The following MSL2 variants were observed in gnomAD, a reference collection of about 807,000 sequenced individuals.
MSL2 encodes the protein E3 ubiquitin-protein ligase MSL2.
MSL2 carries 2 observed loss-of-function variants against 35.8 expected under a neutral mutation model. The ratio of observed to expected loss-of-function variants is 0.06; its 90% confidence interval spans 0.02 to 0.18. The LOEUF (loss-of-function observed/expected upper bound fraction) is 0.18, where lower values mean the gene tolerates loss of function less well. Ranked by LOEUF, MSL2 falls within the 10% of genes least tolerant of loss-of-function variation. The pLI, the probability that MSL2 is intolerant of heterozygous loss-of-function variation, is 1.00. For synonymous variants in MSL2, 296 were observed against 255.7 expected, an observed-to-expected ratio of 1.16 and a Z score of -1.50; for missense variants, 523 against 706.7, an observed-to-expected ratio of 0.74 and a Z score of 2.95.
intron 1 of MSL2, among the ~76,000 whole-genome samples, chr3:136,155,363 G>A (rs1385829876): frequency 6.6e-6 from 1 of 152,008 alleles, no homozygotes; most frequent in Non-Finnish European, 1.5e-5. Flanking sequence ...AATTAGCTGG[G>A]CATGGTGGTG....
intron 1 of MSL2, among the ~76,000 whole-genome samples, chr3:136,169,456 G>GT (rs1304773274): frequency 2.0e-5 from 3 of 151,922 alleles, no homozygotes; most frequent in Non-Finnish European, 2.9e-5. Context: ...TTTGTTTTTT[G>GT]TGTTTTTTTT....
At chr3:136,174,822 A>C (rs1174094677) in intron 1 of MSL2, among the ~76,000 whole-genome samples, 1 of 152,262 alleles carries the variant, frequency 6.6e-6, no homozygotes, top group Non-Finnish European at 1.5e-5. Context: ...TTACAGCATC[A>C]GAAACCTTAA....
chr3:136,195,066 T>C lies in MSL2; in HGVS notation c.48A>G (p.Leu16=), dbSNP rs761727879. 53 of 1,613,888 alleles carry C rather than the reference T, an allele frequency of 3.3e-5. No homozygotes were observed. Among genetic ancestry groups the C allele is most frequent in the Non-Finnish European group, 4.2e-5 (50 of 1,179,984 alleles). Reference sequence around the variant, plus strand: ...GGTCTCCGGGGTCGTAGTTGAGCACTAGGCGGCTCGCGGAAATGTAGAGAG... The same window carrying C: ...GGTCTCCGGGGTCGTAGTTGAGCACCAGGCGGCTCGCGGAAATGTAGAGAG... The part of the protein sequence containing the change: ...ATALYISASR[L]VLNYDPGDPK... Residue 16 remains leucine (L), a synonymous_variant, in exon 1 of 2, where the codon CTA becomes CTG. Coordinates refer to ENST00000309993, the MANE Select transcript of MSL2 (RefSeq NM_018133.4).
At chr3:136,168,695 G>A (rs1481822745) in intron 1 of MSL2, among the ~76,000 whole-genome samples, 2 of 151,804 alleles carry the variant, frequency 1.3e-5, no homozygotes, top group African/African-American at 4.8e-5. Context: ...CATGGCACGT[G>A]TACACCTATG....
At chr3:136,177,680 T>TAC (rs1553766795) in intron 1 of MSL2, among the ~76,000 whole-genome samples, 5 of 78,502 alleles carry the variant, frequency 6.4e-5, no homozygotes, top group East Asian at 3.2e-4. Context: ...CTCCGTCTCA[T>TAC]AAAAAAAAAA....
Position 136,180,994 on chromosome 3 carries a change from A to T in MSL2, c.142+13978T>A, listed in dbSNP as rs192973325. Among the ~76,000 whole-genome samples, 295 of 140,426 alleles carry T rather than the reference A, an allele frequency of 2.1e-3. 2 individuals are homozygous for T. The highest frequency in any genetic ancestry group is 7.3e-3 in the African/African-American group (278 of 38,030). 92.1% of individuals were successfully genotyped at this position (140,426 alleles called of 152,430 possible). A position where few individuals can be genotyped will look rare whatever the true frequency, so the allele number is the denominator to read the frequency against. The stretch of plus-strand genomic sequence containing the variant: ...TAGTGAAATTCTGACTCTATTAAAT[A>T]AAAAAAAAAAAAATCAGGCATGGTG... On this transcript the variant is annotated intron_variant, in intron 1 of 1. Transcript: ENST00000309993.
Position 136,179,382 on chromosome 3 carries a change from T to C in MSL2, c.142+15590A>G, listed in dbSNP as rs191548579. Reference sequence around the variant, plus strand: ...TTTTCTGGTAGAGACAGGGTCTCACTATACTGCCCAAACTGGTCTTGAACT... The same window carrying C: ...TTTTCTGGTAGAGACAGGGTCTCACCATACTGCCCAAACTGGTCTTGAACT... On this transcript the variant is annotated intron_variant, in intron 1 of 1. Transcript: ENST00000309993. 2.0e-3 allele frequency among the ~76,000 whole-genome samples: 300 copies of C among 152,248 alleles called. 7 individuals carry two copies. In the East Asian group the frequency reaches 0.048, roughly 24 times the overall value.
At chr3:136,184,446 A>C (rs546802338) in intron 1 of MSL2, among the ~76,000 whole-genome samples, 50 of 151,182 alleles carry the variant, frequency 3.3e-4, no homozygotes, top group South Asian at 1.3e-3. Flanking sequence ...TAAAAACACA[A>C]AAAAAAATGA....
intron 1 of MSL2, 30 bp downstream of exon 1, chr3:136,194,942 T>A: frequency 1.2e-6 from 2 of 1,612,726 alleles, no homozygotes; most frequent in Non-Finnish European, 1.7e-6. Context: ...AAAACAAGCA[T>A]TGAAAAGGGA....
chr3:136,178,979 C>CTTT (rs763670751), intron 1 of MSL2, among the ~76,000 whole-genome samples: 1,477 of 101,712 alleles, frequency 0.015, 53 homozygotes, highest in African/African-American at 0.047. Flanking sequence ...TGTTGGTTTT[C>CTTT]TTTTTTTTTT....
chr3:136,185,787 T>C (rs1940503688), intron 1 of MSL2, among the ~76,000 whole-genome samples: 1 of 152,126 alleles, frequency 6.6e-6, no homozygotes, highest in African/African-American at 2.4e-5. Flanking sequence ...ATTACAGGCG[T>C]GAGCCACCAC....
chr3:136,181,023 C>T (rs2108086740), intron 1 of MSL2, among the ~76,000 whole-genome samples: 1 of 150,782 alleles, frequency 6.6e-6, no homozygotes, highest in East Asian at 2.0e-4. Context: ...CATGGTGGCA[C>T]ATGCCTGTAA....
rs780433355 is a variant in MSL2, at chr3:136,151,604, C to A, written c.1277G>T (p.Gly426Val). 2.5e-6 allele frequency: 4 copies of A among 1,614,094 alleles called. No individual in the cohort carries two copies. The South Asian group carries it at 4.4e-5, about 18-fold the overall frequency. ...SKKSHSKTKP[G>V]ILKKDKAVKE... ...TACTGCTTTGTCTTTTTTAAGAATA[C>A]CTGGCTTGGTTTTAGAGTGAGATTT... The change falls in exon 2 of 2, where the codon GGT becomes GTT. Residue 426 changes from glycine to valine, a missense_variant. Gly to Val is a moderately radical substitution (Grantham distance 109, BLOSUM62 -3). Transcript: ENST00000309993. This position sits in a 1 kb window ranked among gnomAD's most constrained non-coding sequence, Gnocchi z 5.2.
chr3:136,176,053 A>C (rs1193116027), intron 1 of MSL2, among the ~76,000 whole-genome samples: 1 of 152,224 alleles, frequency 6.6e-6, no homozygotes, highest in African/African-American at 2.4e-5. Context: ...ACAAGGAAAT[A>C]ATCTCTGGAT....
Position 136,188,725 on chromosome 3 carries a change from CAAAAAAAAAAA to C in MSL2, c.142+6236_142+6246del, listed in dbSNP as rs11328242. On this transcript the variant is annotated intron_variant, in intron 1 of 1. Transcript: ENST00000309993. ...TGGGGAAGAGAGCAAGACCCTGTCT[CAAAAAAAAAAA>C]AAAAAAAAAAGTATCCACTACACCA... 1.5e-4 allele frequency among the ~76,000 whole-genome samples: 15 copies of C among 102,500 alleles called. No individual in the cohort carries two copies. The South Asian group carries it at 4.5e-3, about 30-fold the overall frequency. 67.2% of individuals were successfully genotyped at this position (102,500 alleles called of 152,430 possible).
chr3:136,180,064 CA>C (rs201111258), intron 1 of MSL2, among the ~76,000 whole-genome samples: 8 of 144,900 alleles, frequency 5.5e-5, no homozygotes, highest in South Asian at 2.1e-4. Context: ...GACTCCGTCT[CA>C]AAAAAAAAAT....
At chr3:136,177,470 C>A (rs187547888) in intron 1 of MSL2, among the ~76,000 whole-genome samples, 1 of 151,880 alleles carries the variant, frequency 6.6e-6, no homozygotes, top group East Asian at 1.9e-4. Context: ...GTCAGGAGAT[C>A]GAGACCATCC....
intron 1 of MSL2, among the ~76,000 whole-genome samples, chr3:136,172,745 C>CA (rs1940062455): frequency 6.6e-6 from 1 of 151,984 alleles, no homozygotes; most frequent in Admixed American, 6.6e-5. Flanking sequence ...TCTGACTATA[C>CA]AAATGTGTAC....
At chr3:136,161,781 C>T (rs1225410670) in intron 1 of MSL2, among the ~76,000 whole-genome samples, 1 of 151,956 alleles carries the variant, frequency 6.6e-6, no homozygotes, top group Non-Finnish European at 1.5e-5. Flanking sequence ...GATGGTTACA[C>T]AACTCTAAAA....
Sources: allele counts gnomAD v4.1 joint callset (sites outside exome capture counted in the v4.1 genomes callset), GRCh38; gene constraint gnomAD v4.1.1; non-coding constraint Gnocchi (gnomAD v3.1); transcripts MANE v1.5; gene names NCBI Gene and HGNC (gene_info 2026-07-23, HGNC 2026-07-21).